Variants in ARMH3 observed in about 807,000 individuals in gnomAD.
ARMH3 encodes armadillo-like helical domain-containing protein 3.
ARMH3 carries 60 observed loss-of-function variants against 99.1 expected under a neutral mutation model. That is an observed-to-expected ratio of 0.61 (90% CI 0.49 to 0.75). The LOEUF is 0.75. ARMH3 is among the 30% of genes least tolerant of loss of function. ARMH3 has a pLI of 0.00. For missense variants in ARMH3, 679 were observed against 843.1 expected, an observed-to-expected ratio of 0.81 and a Z score of 2.41; for synonymous variants, 285 against 292.8, an observed-to-expected ratio of 0.97 and a Z score of 0.27.
chr10:101,966,469 G>GCT (rs982596297), intron 20 of ARMH3, among the ~76,000 whole-genome samples: 1 of 151,664 alleles, frequency 6.6e-6, no homozygotes, highest in African/African-American at 2.4e-5. Context: ...TAGAGACAGG[G>GCT]CTCCACCAGG....
intron 22 of ARMH3, among the ~76,000 whole-genome samples, chr10:101,946,561 T>G (rs544805145): frequency 6.6e-6 from 1 of 152,080 alleles, no homozygotes; most frequent in Non-Finnish European, 1.5e-5. Context: ...AATAGCAGAA[T>G]AGACTGACAA....
At chr10:101,872,574 G>C (rs745561890) in intron 24 of ARMH3, among the ~76,000 whole-genome samples, 8 of 152,086 alleles carry the variant, frequency 5.3e-5, no homozygotes, top group Admixed American at 1.3e-4. Flanking sequence ...GCACGCACCT[G>C]TGGACCCAGC....
chr10:101,988,012 C>T (rs1846592254), intron 19 of ARMH3, among the ~76,000 whole-genome samples: 1 of 152,164 alleles, frequency 6.6e-6, no homozygotes, highest in Admixed American at 6.6e-5. Flanking sequence ...CCTTAAAAAG[C>T]ATCCTTTTGA....
chr10:101,988,380 C>A (rs1846610383), intron 19 of ARMH3, among the ~76,000 whole-genome samples: 1 of 152,094 alleles, frequency 6.6e-6, no homozygotes, highest in Non-Finnish European at 1.5e-5. Flanking sequence ...AAGTCCATAG[C>A]AAAAACAAAT....
chr10:101,857,559 C>T (rs1317604827), intron 24 of ARMH3, among the ~76,000 whole-genome samples: 45 of 152,172 alleles, frequency 3.0e-4, no homozygotes, highest in South Asian at 2.1e-4. Context: ...ATGGTAAATA[C>T]ACAATGAAAT....
intron 24 of ARMH3, among the ~76,000 whole-genome samples, chr10:101,855,304 G>A (rs1337666216): frequency 1.4e-5 from 2 of 147,796 alleles, no homozygotes; most frequent in Non-Finnish European, 3.0e-5. Context: ...CTGACCTCAG[G>A]TGATCCACCT....
At chr10:101,947,788 G>A (rs1468170897) in intron 22 of ARMH3, among the ~76,000 whole-genome samples, 5 of 145,110 alleles carry the variant, frequency 3.4e-5, no homozygotes, top group East Asian at 2.0e-4. Context: ...CAACAAGAGC[G>A]AAACTCAAAA....
intron 20 of ARMH3, among the ~76,000 whole-genome samples, chr10:101,965,346 A>AG: frequency 6.6e-6 from 1 of 152,322 alleles, no homozygotes; most frequent in South Asian, 2.1e-4. Context: ...AAACACACAA[A>AG]GATGCTTCCT....
chr10:101,884,483 C>T (rs1326871545), intron 24 of ARMH3, among the ~76,000 whole-genome samples: 1 of 152,106 alleles, frequency 6.6e-6, no homozygotes, highest in Non-Finnish European at 1.5e-5. Context: ...AAGCCAAATC[C>T]AGTAAGGAAT....
intron 14 of ARMH3, among the ~76,000 whole-genome samples, chr10:102,005,106 A>G (rs2066452789): frequency 6.6e-6 from 1 of 152,228 alleles, no homozygotes; most frequent in Non-Finnish European, 1.5e-5. Flanking sequence ...CTGAGGCAGG[A>G]GAATCACTTG....
intron 19 of ARMH3, among the ~76,000 whole-genome samples, chr10:101,983,376 G>A (rs35205878): frequency 0.21 from 31,846 of 152,058 alleles, 4,038 homozygotes; most frequent in Non-Finnish European, 0.29. Context: ...TGACCTCCAC[G>A]GCTCAAACCA....
chr10:102,025,300 T>C (rs1324202436), intron 5 of ARMH3, 52 bp from the exon 6 acceptor site: 4 of 1,455,742 alleles, frequency 2.7e-6, no homozygotes. Context: ...CACCCCACCT[T>C]TGTCTAACTC....
intron 2 of ARMH3, among the ~76,000 whole-genome samples, chr10:102,039,422 C>T (rs1453618294): frequency 2.0e-5 from 3 of 152,180 alleles, no homozygotes; most frequent in Admixed American, 1.3e-4. Flanking sequence ...GGATTACAGG[C>T]GGGAGCCACC....
chr10:102,022,473 C>A (rs1454435540), intron 8 of ARMH3, among the ~76,000 whole-genome samples: 5 of 111,240 alleles, frequency 4.5e-5, no homozygotes, highest in Non-Finnish European at 8.7e-5. Context: ...GCCTGGGCGA[C>A]AGAGCGAGAC....
intron 19 of ARMH3, among the ~76,000 whole-genome samples, chr10:101,976,109 C>T (rs552281126): frequency 3.6e-4 from 46 of 128,530 alleles, no homozygotes; most frequent in Admixed American, 1.4e-3. Flanking sequence ...GTGGAGCTTG[C>T]GGTGAGCCAA....
intron 20 of ARMH3, among the ~76,000 whole-genome samples, chr10:101,963,294 C>T (rs533541098): frequency 7.9e-4 from 120 of 152,182 alleles, no homozygotes; most frequent in Admixed American, 2.0e-3. Flanking sequence ...AGGCACCTGC[C>T]ACCACACCTG....
At chr10:101,855,790 GAAA>G (rs1241485239) in intron 24 of ARMH3, among the ~76,000 whole-genome samples, 1 of 147,260 alleles carries the variant, frequency 6.8e-6, no homozygotes, top group Non-Finnish European at 1.5e-5. Flanking sequence ...TATATATAAA[GAAA>G]AAAATAATAG....
intron 2 of ARMH3, among the ~76,000 whole-genome samples, chr10:102,039,467 T>C (rs575689116): frequency 2.6e-5 from 4 of 152,328 alleles, no homozygotes; most frequent in Non-Finnish European, 4.4e-5. Flanking sequence ...TTTTACAATA[T>C]AGGCTTGGAC....
At chr10:102,032,985 C>G in intron 4 of ARMH3, 41 bp downstream of exon 4, 1 of 1,605,752 alleles carries the variant, frequency 6.2e-7, no homozygotes, top group Non-Finnish European at 8.5e-7. Context: ...CAATTCCTTT[C>G]TCCTGTTAAA....
Sources: gnomAD v4.1 joint callset for allele counts (sites outside exome capture counted in the v4.1 genomes callset) on GRCh38, gnomAD v4.1.1 for gene constraint, MANE v1.5 for transcripts, NCBI Gene and HGNC (gene_info 2026-07-23, HGNC 2026-07-21) for gene names.